Variants in OSBPL8 observed in about 807,000 individuals in gnomAD.
OSBPL8 encodes the protein oxysterol binding protein like 8, also known as oxysterol-binding protein-related protein 8.
A neutral mutation model predicts 125.5 loss-of-function variants in OSBPL8; 59 were observed. The observed-to-expected ratio is 0.47, with a 90% CI of 0.38 to 0.58. OSBPL8 has a LOEUF of 0.58. Ranked by LOEUF, OSBPL8 falls within the 20% of genes least tolerant of loss-of-function variation. The probability of loss-of-function intolerance (pLI) is 0.00; values close to 1 mark genes in which losing one functional copy is unlikely to be tolerated. For synonymous variants in OSBPL8, 330 were observed against 338.9 expected (o/e 0.97, Z 0.29); for missense variants, 758 against 1,047.8 (o/e 0.72, Z 3.82).
chr12:76,426,797 T>C (rs929101505), intron 4 of OSBPL8, among the ~76,000 whole-genome samples: 6 of 152,164 alleles, frequency 3.9e-5, no homozygotes, highest in African/African-American at 1.4e-4. Flanking sequence ...TTGTAAGCTA[T>C]TATTATGTCC....
chr12:76,528,570 G>C (rs892241331), intron 1 of OSBPL8, among the ~76,000 whole-genome samples: 1 of 151,914 alleles, frequency 6.6e-6, no homozygotes, highest in Non-Finnish European at 1.5e-5. Context: ...CACCCAAAAA[G>C]CTTCAGAAAT....
chr12:76,431,280 C>T (rs1456863314), intron 4 of OSBPL8, among the ~76,000 whole-genome samples: 1 of 145,606 alleles, frequency 6.9e-6, no homozygotes, highest in Non-Finnish European at 1.5e-5. Flanking sequence ...GGAAAGCACA[C>T]CACTGCCAAA....
chr12:76,448,460 A>G (rs1872978210), intron 4 of OSBPL8, among the ~76,000 whole-genome samples: 1 of 152,196 alleles, frequency 6.6e-6, no homozygotes, highest in Non-Finnish European at 1.5e-5. Flanking sequence ...GTGCAAAAAA[A>G]AACCAGGTCA....
chr12:76,431,295 G>GAAA (rs71311106), intron 4 of OSBPL8, among the ~76,000 whole-genome samples: 1 of 140,366 alleles, frequency 7.1e-6, no homozygotes, highest in African/African-American at 2.6e-5. Context: ...GCCAAAAAAA[G>GAAA]AAAAAAAAAC....
intron 5 of OSBPL8, among the ~76,000 whole-genome samples, chr12:76,408,258 G>A (rs12825248): frequency 1.3e-5 from 2 of 150,712 alleles, no homozygotes; most frequent in African/African-American, 2.4e-5. Context: ...TCAGGAGATC[G>A]AGACCATCCT....
At chr12:76,384,021 A>T (rs1467381390) in intron 15 of OSBPL8, among the ~76,000 whole-genome samples, 2 of 152,246 alleles carry the variant, frequency 1.3e-5, no homozygotes, top group East Asian at 3.8e-4. Context: ...TATAATGGGC[A>T]ATCATTCTGT....
In OSBPL8 at chr12:76,487,548, C is replaced by T; in HGVS notation, c.4G>A (p.Glu2Lys). The T allele has an allele frequency of 1.2e-6, 2 of 1,604,236 alleles. No individual in the cohort carries two copies. Among genetic ancestry groups the T allele is most frequent in the East Asian group, 4.5e-5 (2 of 44,222 alleles). Residue 2 changes from glutamate to lysine, a missense_variant, in exon 2 of 24, where the codon GAG (glutamate) becomes AAG (lysine). By Grantham distance (56) the Glu-to-Lys change is moderately conservative. Coordinates refer to ENST00000261183, the MANE Select transcript of OSBPL8 (RefSeq NM_020841.5). M[E>K]GGLADGEPDR... ...GGTTCTCCATCTGCCAAACCTCCCT[C>T]CATAATGAAAGAAGATAGGTTTATG... is the stretch of plus-strand genomic sequence containing the variant.
intron 19 of OSBPL8, 76 bp from the exon 20 acceptor site, chr12:76,369,898 T>G: frequency 6.5e-5 from 83 of 1,269,932 alleles, no homozygotes; most frequent in Non-Finnish European, 7.8e-5. Context: ...AGGCCTCAAA[T>G]CCCTTGTAGA....
chr12:76,427,719 C>CA (rs1405376032), intron 4 of OSBPL8, among the ~76,000 whole-genome samples: 1 of 151,842 alleles, frequency 6.6e-6, no homozygotes. Context: ...ATACTAAGGA[C>CA]AAAAGAGCAT....
chr12:76,527,698 C>G (rs1447871672), intron 1 of OSBPL8, among the ~76,000 whole-genome samples: 2 of 152,350 alleles, frequency 1.3e-5, no homozygotes, highest in East Asian at 1.9e-4. Context: ...CATACCAAGA[C>G]AGGCCCAGGG....
intron 6 of OSBPL8, among the ~76,000 whole-genome samples, chr12:76,401,524 C>T (rs888210600): frequency 1.3e-5 from 2 of 152,102 alleles, no homozygotes; most frequent in South Asian, 2.1e-4. Flanking sequence ...TTTACAGACA[C>T]GAAAACTGAG....
chr12:76,428,248 T>A (rs74103443), intron 4 of OSBPL8, among the ~76,000 whole-genome samples: 2,314 of 151,690 alleles, frequency 0.015, 44 homozygotes, highest in African/African-American at 0.049. Flanking sequence ...GTCATAAGAG[T>A]CTCTGAAATC....
At chr12:76,385,202 G>A (rs1190846277) in intron 14 of OSBPL8, among the ~76,000 whole-genome samples, 1 of 152,100 alleles carries the variant, frequency 6.6e-6, no homozygotes, top group African/African-American at 2.4e-5. Context: ...TTGACTTGAG[G>A]GGGTTATCAA....
At chr12:76,407,213 T>C (rs771995975) in intron 5 of OSBPL8, among the ~76,000 whole-genome samples, 4 of 152,212 alleles carry the variant, frequency 2.6e-5, no homozygotes, top group Non-Finnish European at 5.9e-5. Context: ...TTACAACTGT[T>C]CTGAAAAACA....
At chr12:76,494,986 T>C (rs1427185274) in intron 1 of OSBPL8, among the ~76,000 whole-genome samples, 1 of 152,046 alleles carries the variant, frequency 6.6e-6, no homozygotes, top group African/African-American at 2.4e-5. Flanking sequence ...GGCTTATGAG[T>C]CTACTTCTTA....
intron 1 of OSBPL8, among the ~76,000 whole-genome samples, chr12:76,504,240 T>C (rs1880192984): frequency 6.6e-6 from 1 of 152,094 alleles, no homozygotes; most frequent in Non-Finnish European, 1.5e-5. Context: ...TGTGTGTGTA[T>C]GTGTGTGTGT....
intron 1 of OSBPL8, among the ~76,000 whole-genome samples, chr12:76,494,548 A>C (rs544062294): frequency 2.2e-4 from 34 of 152,334 alleles, no homozygotes; most frequent in African/African-American, 4.8e-4. Flanking sequence ...TACTGAGAAG[A>C]AGCAGAATTC....
intron 4 of OSBPL8, among the ~76,000 whole-genome samples, chr12:76,442,291 C>T (rs1011749811): frequency 2.6e-5 from 4 of 152,108 alleles, no homozygotes. Flanking sequence ...GACAGTTGAA[C>T]AAAGATACCA....
chr12:76,406,071 T>C (rs1592619369), intron 5 of OSBPL8, among the ~76,000 whole-genome samples: 1 of 152,334 alleles, frequency 6.6e-6, no homozygotes, highest in Non-Finnish European at 1.5e-5. Context: ...GAGGGTTAAA[T>C]GATACTTAAA....
Sources: allele counts gnomAD v4.1 joint callset (sites outside exome capture counted in the v4.1 genomes callset), GRCh38; gene constraint gnomAD v4.1.1; transcripts MANE v1.5; gene names NCBI Gene and HGNC (gene_info 2026-07-23, HGNC 2026-07-21).